Variants in STARD9 observed in about 807,000 individuals in gnomAD.
The protein encoded by STARD9 is StAR related lipid transfer domain containing 9.
STARD9 carries 346 observed loss-of-function variants against 399.8 expected under a neutral mutation model. That is an observed-to-expected ratio of 0.87 (90% confidence interval 0.79 to 0.95). STARD9 has a LOEUF of 0.95. Ranked by LOEUF, STARD9 falls within the 40% of genes least tolerant of loss-of-function variation. The pLI is 0.00. For synonymous variants in STARD9, 2,203 were observed against 2,143.5 expected (o/e 1.03, Z -0.77); for missense variants, 5,832 against 5,667.5 (o/e 1.03, Z -0.93).
At chr15:42,665,719 G>A (rs934412979) in intron 14 of STARD9, 67 bp from the exon 15 acceptor site, 28 of 1,300,094 alleles carry the variant, frequency 2.2e-5, no homozygotes, top group Admixed American at 7.9e-5. Context: ...CTCCACAAGT[G>A]TAAGGGTGGG....
Position 42,682,591 on chromosome 15 carries a change from G to A in STARD9, c.2537+16G>A. 2 of 1,509,130 alleles carry A rather than the reference G, an allele frequency of 1.3e-6. No homozygotes were observed. Among genetic ancestry groups the A allele is most frequent in the Non-Finnish European group, 1.8e-6 (2 of 1,130,746 alleles). 93.5% of individuals were successfully genotyped at this position (1,509,130 alleles called of 1,614,324 possible). On this transcript the variant is annotated intron_variant, in intron 22 of 32. Transcript: ENST00000290607. Reference sequence around the variant, plus strand: ...AGCTACACAGGTACAGCCAGTAGTTGTCACTGGGAAGCACTCGGTTAAAGT... The same window carrying A: ...AGCTACACAGGTACAGCCAGTAGTTATCACTGGGAAGCACTCGGTTAAAGT...
Position 42,684,651 on chromosome 15 carries a change from G to T in STARD9, c.3073G>T (p.Val1025Phe). The T allele has an allele frequency of 6.5e-7, 1 of 1,537,184 alleles. No homozygotes were observed. The change falls in exon 23 of 33, where the codon GTC (valine) becomes TTC (phenylalanine). Residue 1025 changes from valine (V) to phenylalanine (F), a missense_variant. This residue lies in a region of STARD9 where 5,828 missense variants were observed against 5,651.1 expected (regional missense o/e 1.03). Coordinates refer to ENST00000290607, the MANE Select transcript of STARD9 (RefSeq NM_020759.3). ...PRQTAGHGKA[V>F]KTFWTEYKPP... ...GCAGACTGCTGGGCACGGAAAGGCA[G>T]TCAAGACTTTTTGGACAGAATACAA...
Position 42,669,257 on chromosome 15 carries a change from G to A in STARD9, c.1417G>A (p.Val473Ile), listed in dbSNP as rs1029574503. 1.3e-6 allele frequency: 2 copies of A among 1,536,966 alleles called. No individual in the cohort carries two copies. Among genetic ancestry groups the A allele is most frequent in the Non-Finnish European group, 1.7e-6 (2 of 1,146,786 alleles). ...CATCAACAGGAGGAGGGCTGGGGTG[G>A]TCATCGACTCCAGCCTGCCACACTT... ...VDINRRRAGV[V>I]IDSSLPHLMA... Residue 473 changes from valine to isoleucine, a missense_variant, in exon 16 of 33, where the codon GTC becomes ATC. By Grantham distance (29) the Val-to-Ile change is conservative. This residue lies in a region of STARD9 where 5,828 missense variants were observed against 5,651.1 expected (regional missense o/e 1.03). Transcript: ENST00000290607.
chr15:42,638,264 A>G, intron 6 of STARD9, 177 bp downstream of exon 6: 2 of 639,676 alleles, frequency 3.1e-6, no homozygotes, highest in South Asian at 4.0e-5. Context: ...GTTGTAGGAA[A>G]CTTAATTTCC....
chr15:42,612,267 C>T (rs530596787), intron 3 of STARD9, among the ~76,000 whole-genome samples: 10 of 152,274 alleles, frequency 6.6e-5, no homozygotes, highest in African/African-American at 2.4e-4. Context: ...CCGGAGCCAC[C>T]TCGCCTGGCC....
At position 42,716,935 on chromosome 15, in the gene STARD9, G is replaced by A. The variant is rs77589679; in HGVS notation, c.13381G>A (p.Ala4461Thr). Residue 4461 changes from alanine (A) to threonine (T), a missense_variant, in exon 28 of 33, where the codon GCC (alanine) becomes ACC (threonine). Physicochemically the swap from Ala to Thr is moderately conservative, Grantham distance 58. Transcript: ENST00000290607. The stretch of plus-strand genomic sequence containing the variant: ...CCACCTATTTCTTGTAGGCCACAGA[G>A]CCTCCCTGGGCAGTTGCTGCTGTTC... Reference protein sequence around the residue: ...VRKNSAYSHRASLGSCCCSPS... With the variant: ...VRKNSAYSHRTSLGSCCCSPS... 55 of 1,537,248 alleles carry A rather than the reference G, an allele frequency of 3.6e-5. No individual in the cohort carries two copies. In the African/African-American group the frequency reaches 6.2e-4, roughly 17 times the overall value.
In STARD9 at chr15:42,695,789, C is replaced by A; in HGVS notation, c.13193C>A (p.Thr4398Asn). ...TTGGCCAATTCCAGCTCCCTGTGCA[C>A]CAGCTCTAATGGAAGCCTCTCGTCT... ...HTLANSSSLCTSSNGSLSSGM... is the reference protein window; with the variant it reads ...HTLANSSSLCNSSNGSLSSGM... The change falls in exon 26 of 33, where the codon ACC becomes AAC. Residue 4398 changes from threonine to asparagine, a missense_variant. By Grantham distance (65) the Thr-to-Asn change is moderately conservative (BLOSUM62 0). Coordinates refer to ENST00000290607, the MANE Select transcript of STARD9 (RefSeq NM_020759.3). The A allele has an allele frequency of 6.5e-7, 1 of 1,537,248 alleles. No individual in the cohort carries two copies.
At chr15:42,699,743 G>A (rs1372422343) in intron 26 of STARD9, among the ~76,000 whole-genome samples, 2 of 150,354 alleles carry the variant, frequency 1.3e-5, no homozygotes, top group African/African-American at 2.5e-5. Flanking sequence ...ATCTCACTCT[G>A]TTGCCCAAGC....
intron 9 of STARD9, among the ~76,000 whole-genome samples, chr15:42,656,582 A>G (rs2059877711): frequency 6.6e-6 from 1 of 152,126 alleles, no homozygotes; most frequent in Non-Finnish European, 1.5e-5. Context: ...ACCAGCCCAA[A>G]TGTCCGTCAA....
intron 9 of STARD9, among the ~76,000 whole-genome samples, chr15:42,656,639 C>T (rs2059878977): frequency 6.6e-6 from 1 of 152,136 alleles, no homozygotes. Context: ...GGAATACATT[C>T]AGCCGTGAAA....
chr15:42,663,986 G>C (rs770410465), intron 13 of STARD9, 69 bp downstream of exon 13: 2 of 1,088,592 alleles, frequency 1.8e-6, no homozygotes, highest in Non-Finnish European at 2.7e-6. Flanking sequence ...TTTTTCTCTC[G>C]TGATTTCTTT....
chr15:42,718,337 A>G, intron 30 of STARD9, 98 bp from the exon 31 acceptor site: 2 of 1,243,260 alleles, frequency 1.6e-6, no homozygotes, highest in East Asian at 2.6e-5. Context: ...CTAGGTGTCA[A>G]GTGATGGGGT....
chr15:42,650,972 A>G (rs1240444721), intron 7 of STARD9, 44 bp from the exon 8 acceptor site: 1 of 1,369,456 alleles, frequency 7.3e-7, no homozygotes, highest in Non-Finnish European at 9.9e-7. Context: ...AAGTTTACCA[A>G]AAATCTCATT....
chr15:42,653,428 G>A (rs886277165), intron 9 of STARD9, among the ~76,000 whole-genome samples: 1 of 152,086 alleles, frequency 6.6e-6, no homozygotes, highest in Admixed American at 6.6e-5. Context: ...GATCTAAGAA[G>A]CTCAAAGGAC....
At chr15:42,585,204 AG>A (rs930308498) in intron 2 of STARD9, among the ~76,000 whole-genome samples, 1 of 152,216 alleles carries the variant, frequency 6.6e-6, no homozygotes, top group Non-Finnish European at 1.5e-5. Context: ...ATTTCAAAGA[AG>A]GGACATTCAA....
intron 3 of STARD9, among the ~76,000 whole-genome samples, chr15:42,608,817 A>C (rs2058788971): frequency 6.6e-6 from 1 of 152,242 alleles, no homozygotes; most frequent in South Asian, 2.1e-4. Flanking sequence ...GTGGAAATTA[A>C]TGCAGAAAGG....
chr15:42,702,257 G>A (rs562016084), intron 26 of STARD9, among the ~76,000 whole-genome samples: 1 of 152,240 alleles, frequency 6.6e-6, no homozygotes, highest in East Asian at 1.9e-4. Flanking sequence ...AAGCTGGAGT[G>A]CAGTGGCACA....
At position 42,689,416 on chromosome 15, in the gene STARD9, C is replaced by T; in HGVS notation, c.7838C>T (p.Ala2613Val). The change falls in exon 23 of 33, where the codon GCA becomes GTA. Residue 2613 changes from alanine (A) to valine (V), a missense_variant. Transcript: ENST00000290607. ...GACCAGACCAGGAATGAGGGTGAAGCACCGGGATTTCATGTGGCATCTCTA... is the reference window on the plus strand; with the variant it reads ...GACCAGACCAGGAATGAGGGTGAAGTACCGGGATTTCATGTGGCATCTCTA... Reference protein sequence around the residue: ...SSDQTRNEGEAPGFHVASLSA... With the variant: ...SSDQTRNEGEVPGFHVASLSA... 1 of 1,537,382 alleles carries T rather than the reference C, an allele frequency of 6.5e-7. No individual in the cohort carries two copies. The highest frequency in any genetic ancestry group is 8.7e-7 in the Non-Finnish European group (1 of 1,146,944).
Position 42,691,617 on chromosome 15 carries a change from C to T in STARD9, c.10039C>T (p.Pro3347Ser), listed in dbSNP as rs746609484. The T allele has an allele frequency of 6.5e-7, 1 of 1,537,144 alleles. No individual in the cohort carries two copies. Among genetic ancestry groups the T allele is most frequent in the South Asian group, 1.2e-5 (1 of 84,062 alleles). Residue 3347 changes from proline to serine, a missense_variant, in exon 23 of 33, where the codon CCT becomes TCT. Physicochemically the swap from Pro to Ser is moderately conservative, Grantham distance 74. Around this residue, in one of 2 missense-constraint regions of STARD9, gnomAD observed 5,828 missense variants for 5,651.1 expected, o/e 1.03. Coordinates refer to ENST00000290607, the MANE Select transcript of STARD9 (RefSeq NM_020759.3). ...ELNLSVEPPS[P>S]TDEDTQGPNR... ...GAACTTGAGTGTGGAGCCTCCTTCC[C>T]CTACAGACGAAGATACACAGGGGCC... is the stretch of plus-strand genomic sequence containing the variant.
Sources: allele counts gnomAD v4.1 joint callset (sites outside exome capture counted in the v4.1 genomes callset), GRCh38; gene constraint gnomAD v4.1.1; regional missense constraint gnomAD v4.1.1; transcripts MANE v1.5; gene names NCBI Gene and HGNC (gene_info 2026-07-23, HGNC 2026-07-21).